The following ZCCHC7 variants were observed in gnomAD, a reference collection of about 807,000 sequenced individuals.
The protein encoded by ZCCHC7 is zinc finger CCHC-type containing 7.
Under a neutral mutation model 52.0 loss-of-function variants are expected in ZCCHC7, and 35 were observed. The ratio of observed to expected loss-of-function variants is 0.67; its 90% CI spans 0.51 to 0.89. The LOEUF is 0.89. Among genes scored for constraint, ZCCHC7 ranks in the 40% least tolerant of loss-of-function variants. The pLI, the probability that ZCCHC7 is intolerant of heterozygous loss-of-function variation, is 0.00. For missense variants in ZCCHC7, 574 were observed against 649.1 expected (o/e 0.88, Z 1.26); for synonymous variants, 217 against 221.5 (o/e 0.98, Z 0.18).
chr9:37,304,254 A>G lies in ZCCHC7; in HGVS notation c.721A>G (p.Ile241Val). 2 of 1,614,076 alleles carry G rather than the reference A, an allele frequency of 1.2e-6. No individual in the cohort carries two copies. The highest frequency in any genetic ancestry group is 1.3e-5 in the African/African-American group (1 of 75,046). The change falls in exon 4 of 9, where the codon ATT (isoleucine) becomes GTT (valine). Residue 241 changes from isoleucine to valine, a missense_variant. Around this residue, in one of 3 missense-constraint regions of ZCCHC7, gnomAD observed 403 missense variants for 461.2 expected, o/e 0.87. Coordinates refer to ENST00000336755, the MANE Select transcript of ZCCHC7 (RefSeq NM_032226.3). ...TQRYYSANKNIICRNCDKRGH... is the reference protein window; with the variant it reads ...TQRYYSANKNVICRNCDKRGH... The stretch of plus-strand genomic sequence containing the variant: ...GCGGTACTATTCAGCCAACAAAAAC[A>G]TTATCTGTAGAAATTGTGACAAACG...
chr9:37,283,886 A>G (rs1188200023), intron 2 of ZCCHC7, among the ~76,000 whole-genome samples: 1 of 151,990 alleles, frequency 6.6e-6, no homozygotes, highest in Non-Finnish European at 1.5e-5. Flanking sequence ...GTTTAACTTA[A>G]GCTGCTGTGA....
upstream of ZCCHC7, chr9:37,120,417 C>A: frequency 2.5e-6 from 1 of 392,472 alleles, no homozygotes; most frequent in East Asian, 3.6e-5. Context: ...GGGCAGAGAA[C>A]GGTTCGCACC....
chr9:37,163,362 T>C (rs1302060441), intron 2 of ZCCHC7, among the ~76,000 whole-genome samples: 1 of 128,368 alleles, frequency 7.8e-6, no homozygotes, highest in African/African-American at 3.1e-5. Flanking sequence ...CACCCCGTCC[T>C]GGGTGACAGC....
chr9:37,279,384 A>G (rs1199738536), intron 2 of ZCCHC7, among the ~76,000 whole-genome samples: 1 of 152,104 alleles, frequency 6.6e-6, no homozygotes, highest in Non-Finnish European at 1.5e-5. Flanking sequence ...ATGTAAAGGT[A>G]TATTTCAGTT....
intron 6 of ZCCHC7, among the ~76,000 whole-genome samples, chr9:37,346,274 A>AT (rs1020475554): frequency 7.2e-5 from 11 of 152,144 alleles, no homozygotes; most frequent in African/African-American, 2.7e-4. Flanking sequence ...AAGTACAGGG[A>AT]TTATAGGCAT....
chr9:37,243,217 T>G (rs1825948872), intron 2 of ZCCHC7, among the ~76,000 whole-genome samples: 1 of 151,772 alleles, frequency 6.6e-6, no homozygotes, highest in African/African-American at 2.4e-5. Context: ...CATTTGAAAT[T>G]TATATATATT....
chr9:37,155,728 T>G (rs977380588), intron 2 of ZCCHC7, among the ~76,000 whole-genome samples: 2 of 152,220 alleles, frequency 1.3e-5, no homozygotes, highest in African/African-American at 4.8e-5. Context: ...AGAGTCCTAT[T>G]CATCTTACCT....
chr9:37,218,074 A>G (rs756077997), intron 2 of ZCCHC7, among the ~76,000 whole-genome samples: 22 of 152,320 alleles, frequency 1.4e-4, no homozygotes, highest in Middle Eastern at 3.4e-3. Flanking sequence ...GAAAAATCGT[A>G]TGGAAAAGAG....
At chr9:37,193,695 G>C (rs1160204477) in intron 2 of ZCCHC7, among the ~76,000 whole-genome samples, 1 of 152,000 alleles carries the variant, frequency 6.6e-6, no homozygotes, top group Non-Finnish European at 1.5e-5. Context: ...AATTTTATAT[G>C]AGCTACCAAT....
At position 37,354,559 on chromosome 9, in the gene ZCCHC7, C is replaced by T. The variant is rs941717019; in HGVS notation, c.1084-151C>T. On this transcript the variant is annotated intron_variant, in intron 7 of 8. Transcript: ENST00000336755. The surrounding 1 kb of genome is among the most constrained non-coding windows in gnomAD (Gnocchi z 4.0). Reference sequence around the variant, plus strand: ...TGGGGTTTAGGGCTGGGTGACCCTCCCAACACCCCAGCAAGGACCATATCC... The same window carrying T: ...TGGGGTTTAGGGCTGGGTGACCCTCTCAACACCCCAGCAAGGACCATATCC... The T allele has an allele frequency of 1.8e-5, 10 of 551,990 alleles. No homozygotes were observed. Among genetic ancestry groups the T allele is most frequent in the African/African-American group, 7.7e-5 (4 of 52,138 alleles). 34.2% of individuals were successfully genotyped at this position (551,990 alleles called of 1,614,324 possible). A position where few individuals can be genotyped will look rare whatever the true frequency, so the allele number is the denominator to read the frequency against.
intron 6 of ZCCHC7, among the ~76,000 whole-genome samples, chr9:37,338,226 C>T (rs1830764773): frequency 6.6e-6 from 1 of 152,016 alleles, no homozygotes; most frequent in Admixed American, 6.6e-5. Context: ...AATTAATAAG[C>T]TTAATAGCTC....
chr9:37,268,555 T>C (rs940110715), intron 2 of ZCCHC7, among the ~76,000 whole-genome samples: 2 of 152,062 alleles, frequency 1.3e-5, no homozygotes, highest in Non-Finnish European at 2.9e-5. Flanking sequence ...GCCTCCCAAG[T>C]AGCTGGGACT....
At chr9:37,306,605 A>G (rs1262884249) in intron 5 of ZCCHC7, among the ~76,000 whole-genome samples, 1 of 150,688 alleles carries the variant, frequency 6.6e-6, no homozygotes, top group Non-Finnish European at 1.5e-5. Context: ...AGCTGGGATT[A>G]CAGGCACGTG....
chr9:37,143,309 C>CA (rs149184127), intron 2 of ZCCHC7, among the ~76,000 whole-genome samples: 2,305 of 151,470 alleles, frequency 0.015, 59 homozygotes, highest in African/African-American at 0.053. Context: ...TTTTTTAGGC[C>CA]AAAAAATGCT....
At chr9:37,248,442 T>C (rs1826174593) in intron 2 of ZCCHC7, among the ~76,000 whole-genome samples, 1 of 152,348 alleles carries the variant, frequency 6.6e-6, no homozygotes, top group African/African-American at 2.4e-5. Flanking sequence ...TCCTGTATTA[T>C]CTGGGAAGTT....
At chr9:37,306,187 C>T (rs1829294702) in intron 5 of ZCCHC7, among the ~76,000 whole-genome samples, 1 of 151,940 alleles carries the variant, frequency 6.6e-6, no homozygotes, top group Non-Finnish European at 1.5e-5. Flanking sequence ...CCTGCCTCAG[C>T]CTCCCGAGTA....
chr9:37,240,763 A>G (rs1478202381), intron 2 of ZCCHC7, among the ~76,000 whole-genome samples: 1 of 151,856 alleles, frequency 6.6e-6, no homozygotes, highest in African/African-American at 2.4e-5. Context: ...ATTTCTTTCA[A>G]AAGGGATGGA....
intron 2 of ZCCHC7, among the ~76,000 whole-genome samples, chr9:37,141,753 A>G (rs1000452104): frequency 7.9e-5 from 12 of 151,922 alleles, no homozygotes; most frequent in South Asian, 4.1e-4. Context: ...TTTGTGGTCC[A>G]CAGTGTGTAT....
intron 2 of ZCCHC7, among the ~76,000 whole-genome samples, chr9:37,272,898 A>G (rs576362000): frequency 1.2e-4 from 19 of 152,230 alleles, no homozygotes; most frequent in South Asian, 6.2e-4. Context: ...TGCACCACCA[A>G]TGTATTCGTT....
Sources: gnomAD v4.1 joint callset for allele counts (sites outside exome capture counted in the v4.1 genomes callset) on GRCh38, gnomAD v4.1.1 for gene constraint, gnomAD v4.1.1 regional missense constraint, Gnocchi (gnomAD v3.1) non-coding constraint, MANE v1.5 for transcripts, NCBI Gene and HGNC (gene_info 2026-07-23, HGNC 2026-07-21) for gene names.